The following EVC2 variants were observed in gnomAD, a reference collection of about 807,000 sequenced individuals.
EVC2 encodes the protein limbin.
A neutral mutation model predicts 149.3 loss-of-function variants in EVC2; 148 were observed. That is an observed-to-expected ratio of 0.99 (90% CI 0.87 to 1.14). The LOEUF (loss-of-function observed/expected upper bound fraction) is 1.14, where lower values mean the gene tolerates loss of function less well. EVC2 is among the 50% of genes most tolerant of loss of function. The probability of loss-of-function intolerance (pLI) is 0.00; values close to 1 mark genes in which losing one functional copy is unlikely to be tolerated. For synonymous variants in EVC2, 776 were observed against 649.9 expected (o/e 1.19, Z -2.95); for missense variants, 1,854 against 1,627.3 (o/e 1.14, Z -2.40).
chr4:5,616,880 G>A (rs887087209), intron 15 of EVC2, among the ~76,000 whole-genome samples: 1 of 152,158 alleles, frequency 6.6e-6, no homozygotes, highest in Non-Finnish European at 1.5e-5. Context: ...AGCACCTTGG[G>A]TGACTCTGAA....
chr4:5,662,647 A>G (rs1419447119), intron 9 of EVC2, among the ~76,000 whole-genome samples: 1 of 145,814 alleles, frequency 6.9e-6, no homozygotes, highest in African/African-American at 2.5e-5. Flanking sequence ...ATAATATATT[A>G]ATTATATTTA....
At chr4:5,556,510 T>C (rs1297034565) in intron 21 of EVC2, among the ~76,000 whole-genome samples, 1 of 151,926 alleles carries the variant, frequency 6.6e-6, no homozygotes. Context: ...AAATTAATAA[T>C]CTAAACTTCC....
Position 5,631,689 on chromosome 4 carries a change from T to G in EVC2, c.1710+104A>C, listed in dbSNP as rs76624078. On this transcript the variant is annotated intron_variant, in intron 11 of 21. Transcript: ENST00000344408. ...AGAGATAGAAGAGAAAGCTCACTAG[T>G]GCACAGTACAAAGGAGAGGCAGGAC... 4.1e-3 allele frequency: 6,120 copies of G among 1,475,434 alleles called. 209 individuals are homozygous for G. In the African/African-American group the frequency reaches 0.075, roughly 18 times the overall value. 91.4% of individuals were successfully genotyped at this position (1,475,434 alleles called of 1,614,324 possible). A position where few individuals can be genotyped will look rare whatever the true frequency, so the allele number is the denominator to read the frequency against.
intron 16 of EVC2, among the ~76,000 whole-genome samples, chr4:5,609,774 A>C (rs1035685363): frequency 6.6e-6 from 1 of 152,220 alleles, no homozygotes; most frequent in Admixed American, 6.5e-5. Flanking sequence ...AGTTCTGATC[A>C]GGGCATGTGG....
chr4:5,565,420 C>T, intron 20 of EVC2, 61 bp from the exon 21 acceptor site: 1 of 1,531,472 alleles, frequency 6.5e-7, no homozygotes, highest in South Asian at 1.1e-5. Context: ...ACTGTAATCC[C>T]AGCACTTTGG....
chr4:5,650,638 T>TATAGAGAG (rs1162935817), intron 9 of EVC2, among the ~76,000 whole-genome samples: 75 of 45,066 alleles, frequency 1.7e-3, no homozygotes, highest in Non-Finnish European at 2.5e-3. Context: ...TATATATATA[T>TATAGAGAG]AGAGAGAGAG....
intron 9 of EVC2, among the ~76,000 whole-genome samples, chr4:5,656,285 C>G (rs1718514666): frequency 1.3e-5 from 2 of 152,096 alleles, no homozygotes; most frequent in Admixed American, 1.3e-4. Context: ...TTCCATAAAC[C>G]ATTCTCTGAC....
intron 19 of EVC2, among the ~76,000 whole-genome samples, 197 bp from the exon 20 acceptor site, chr4:5,568,837 G>A (rs956505072): frequency 5.3e-5 from 8 of 152,232 alleles, no homozygotes; most frequent in African/African-American, 7.2e-5. Flanking sequence ...TCCCCAGGAC[G>A]CTTCTAAAGC....
At chr4:5,666,996 C>A (rs185555909) in intron 7 of EVC2, among the ~76,000 whole-genome samples, 3 of 152,120 alleles carry the variant, frequency 2.0e-5, no homozygotes, top group African/African-American at 4.8e-5. Flanking sequence ...AGAAGTGTGC[C>A]TGATGGCCTT....
intron 5 of EVC2, among the ~76,000 whole-genome samples, chr4:5,685,919 G>A (rs1343831214): frequency 6.6e-6 from 1 of 152,142 alleles, no homozygotes; most frequent in Non-Finnish European, 1.5e-5. Flanking sequence ...GTCTAACTCT[G>A]CCAGTCACTG....
chr4:5,663,330 G>T (rs368879289), intron 8 of EVC2, 84 bp from the exon 9 acceptor site: 38 of 1,591,904 alleles, frequency 2.4e-5, no homozygotes, highest in Non-Finnish European at 3.1e-5. Context: ...GAAGGCCAGG[G>T]GTCTGCAGTC....
At chr4:5,617,654 G>A (rs903106608) in intron 15 of EVC2, among the ~76,000 whole-genome samples, 5 of 152,204 alleles carry the variant, frequency 3.3e-5, no homozygotes, top group Non-Finnish European at 7.3e-5. Flanking sequence ...GGTAATTTTA[G>A]ACAGGTGCTC....
intron 9 of EVC2, among the ~76,000 whole-genome samples, chr4:5,650,628 TATATATATATAGAGAGAGAG>T (rs1297862872): frequency 1.8e-4 from 14 of 77,358 alleles, no homozygotes; most frequent in African/African-American, 3.7e-4. Context: ...TATATATATA[TATATATATATAGAGAGAGAG>T]AGAGAGAGAG....
At chr4:5,592,397 C>T (rs1712887543) in intron 16 of EVC2, among the ~76,000 whole-genome samples, 2 of 152,142 alleles carry the variant, frequency 1.3e-5, no homozygotes, top group South Asian at 4.1e-4. Context: ...CCTCCAGTGG[C>T]AAAAGAGGCA....
chr4:5,623,882 C>T (rs774512217), intron 13 of EVC2, among the ~76,000 whole-genome samples: 3 of 152,100 alleles, frequency 2.0e-5, no homozygotes, highest in Non-Finnish European at 4.4e-5. Context: ...GAAGATTATG[C>T]GAGTTACTTA....
At chr4:5,580,600 C>T (rs1258107550) in intron 17 of EVC2, among the ~76,000 whole-genome samples, 1 of 152,144 alleles carries the variant, frequency 6.6e-6, no homozygotes, top group African/African-American at 2.4e-5. Context: ...TCTCACTCTG[C>T]CCCTAACTCA....
chr4:5,615,623 GT>G, intron 15 of EVC2, 79 bp from the exon 16 acceptor site: 1 of 1,603,648 alleles, frequency 6.2e-7, no homozygotes, highest in Non-Finnish European at 8.5e-7. Context: ...GGCTTTGCAG[GT>G]CAAGAGAAGT....
At chr4:5,559,868 AGG>A (rs1190537173), downstream of EVC2, among the ~76,000 whole-genome samples, 8 of 152,164 alleles carry the variant, frequency 5.3e-5, no homozygotes, top group Non-Finnish European at 1.2e-4. The surrounding 1 kb of genome is among the most constrained non-coding windows in gnomAD (Gnocchi z 5.0). Context: ...TTTGCCCTCA[AGG>A]AGGTAGACTT....
chr4:5,568,525 A>T lies in EVC2; in HGVS notation c.3476T>A (p.Leu1159Gln). 1 of 1,591,278 alleles carries T rather than the reference A, an allele frequency of 6.3e-7. No individual in the cohort carries two copies. Among genetic ancestry groups the T allele is most frequent in the Non-Finnish European group, 8.5e-7 (1 of 1,174,594 alleles). ...TASQPQLLAL[L>Q]DSATERHVDH... The stretch of plus-strand genomic sequence containing the variant: ...CACATGTCTCTCGGTGGCCGAATCC[A>T]GCAGGGCCAGCAGCTGAGGCTGTGA... The change falls in exon 20 of 22, where the codon CTG (leucine) becomes CAG (glutamine). Residue 1159 changes from leucine to glutamine, a missense_variant. Leu to Gln is a moderately radical substitution (Grantham distance 113, BLOSUM62 -2). Transcript: ENST00000344408.
Sources: allele counts gnomAD v4.1 joint callset (sites outside exome capture counted in the v4.1 genomes callset), GRCh38; gene constraint gnomAD v4.1.1; non-coding constraint Gnocchi (gnomAD v3.1); transcripts MANE v1.5; gene names NCBI Gene and HGNC (gene_info 2026-07-23, HGNC 2026-07-21).